The following PDPN variants were observed in gnomAD, a reference collection of about 807,000 sequenced individuals.
PDPN encodes PA2.26 antigen.
PDPN carries 12 observed loss-of-function variants against 23.2 expected under a neutral mutation model. The observed-to-expected ratio is 0.52, with a 90% confidence interval of 0.33 to 0.84. The LOEUF is 0.84. Ranked by LOEUF, PDPN falls within the 40% of genes least tolerant of loss-of-function variation. The pLI is 0.02. For synonymous variants in PDPN, 77 were observed against 76.7 expected (o/e 1.00, Z -0.02); for missense variants, 199 against 212.2 (o/e 0.94, Z 0.39).
intron 2 of PDPN, among the ~76,000 whole-genome samples, chr1:13,610,121 A>G (rs900745832): frequency 1.3e-5 from 2 of 152,218 alleles, no homozygotes; most frequent in Non-Finnish European, 2.9e-5. Context: ...TGTTGCATGT[A>G]TAGACCATAC....
At chr1:13,612,666 C>A (rs1238870014) in intron 3 of PDPN, among the ~76,000 whole-genome samples, 1 of 152,130 alleles carries the variant, frequency 6.6e-6, no homozygotes, top group Non-Finnish European at 1.5e-5. Flanking sequence ...GTGCTGGTTT[C>A]TGGGACCTCT....
chr1:13,585,527 C>G, intron 1 of PDPN: 1 of 1,351,230 alleles, frequency 7.4e-7, no homozygotes. Flanking sequence ...AGGGAGCGCC[C>G]TCACTTCAGC....
At chr1:13,602,322 C>T (rs1011680437) in intron 1 of PDPN, among the ~76,000 whole-genome samples, 3 of 150,490 alleles carry the variant, frequency 2.0e-5, no homozygotes, top group East Asian at 2.0e-4. Flanking sequence ...AGCAAGACTC[C>T]GTCTCAAAAA....
At chr1:13,599,724 T>A (rs1470862408) in intron 1 of PDPN, among the ~76,000 whole-genome samples, 5 of 152,148 alleles carry the variant, frequency 3.3e-5, no homozygotes, top group Non-Finnish European at 7.4e-5. Flanking sequence ...AGTACTCTAG[T>A]CCTTAAGAGT....
intron 1 of PDPN, among the ~76,000 whole-genome samples, chr1:13,595,481 A>C (rs973845571): frequency 6.6e-6 from 1 of 152,102 alleles, no homozygotes; most frequent in Admixed American, 6.5e-5. Flanking sequence ...ACTCTGGGGC[A>C]GGGGGTACTG....
chr1:13,599,001 G>GCC lies in PDPN; in HGVS notation c.68-8166_68-8165dup, dbSNP rs1172789223. Among the ~76,000 whole-genome samples the GCC allele has an allele frequency of 4.2e-3, 564 of 134,320 alleles. 4 individuals are homozygous for GCC. Among genetic ancestry groups the GCC allele is most frequent in the African/African-American group, 0.014 (537 of 37,714 alleles). The allele number at this position is 134,320 out of a possible 152,430, so 88.1% of individuals were successfully genotyped here. On this transcript the variant is annotated intron_variant, in intron 1 of 5. Transcript: ENST00000621990. ...GCTTAAATGGACAGTCCAAGAAAGT[G>GCC]CCCCCCCTCCTTTTTTTTTTTTTTT...
rs1641091933 is a variant in PDPN at position 13,617,144 on chromosome 1, C to T, written c.*1233C>T. ...CCATCCAGCCTGGCACTTCTCTTCC[C>T]ATATATCCATTGGATTTTTTTTTTT... is the stretch of plus-strand genomic sequence containing the variant. On this transcript the variant is annotated 3_prime_UTR_variant, in exon 6 of 6. Coordinates refer to ENST00000621990, the MANE Select transcript of PDPN (RefSeq NM_006474.5). 7.0e-6 allele frequency: 1 copy of T among 142,658 alleles called. No homozygotes were observed. Among genetic ancestry groups the T allele is most frequent in the Non-Finnish European group, 1.5e-5 (1 of 66,288 alleles). 8.8% of individuals were successfully genotyped at this position (142,658 alleles called of 1,614,324 possible).
intron 2 of PDPN, among the ~76,000 whole-genome samples, chr1:13,610,044 A>T (rs1054705089): frequency 1.3e-5 from 2 of 152,230 alleles, no homozygotes; most frequent in Non-Finnish European, 1.5e-5. Context: ...AGCCTGGGCA[A>T]CAAGAGCGAA....
intron 1 of PDPN, among the ~76,000 whole-genome samples, chr1:13,593,667 G>C (rs1285779902): frequency 6.6e-6 from 1 of 152,128 alleles, no homozygotes; most frequent in African/African-American, 2.4e-5. Context: ...ATGCAAAGGG[G>C]CTTCTTTTCT....
rs1640102724 is a variant in PDPN at position 13,583,845 on chromosome 1, G to T, written c.-189G>T. On this transcript the variant is annotated 5_prime_UTR_variant, in exon 1 of 6. Transcript: ENST00000621990. Reference sequence around the variant, plus strand: ...CGGAAAGTTCTCAACTGCAAAGTTTGCTGTCCGGCTGCCTAGGGTCTGGGA... The same window carrying T: ...CGGAAAGTTCTCAACTGCAAAGTTTTCTGTCCGGCTGCCTAGGGTCTGGGA... The T allele has an allele frequency of 6.3e-7, 1 of 1,579,482 alleles. No individual in the cohort carries two copies. The highest frequency in any genetic ancestry group is 2.2e-5 in the East Asian group (1 of 44,656).
intron 1 of PDPN, among the ~76,000 whole-genome samples, chr1:13,602,986 C>T (rs558921394): frequency 6.6e-5 from 10 of 151,464 alleles, no homozygotes; most frequent in African/African-American, 1.2e-4. Context: ...TAAGAGCAGC[C>T]TGGGCAATGT....
In PDPN at chr1:13,607,270, C is replaced by G. The variant is rs368573812; in HGVS notation, c.165C>G (p.Thr55=). Residue 55 remains threonine, a synonymous_variant, in exon 2 of 6, where the codon ACC becomes ACG. Transcript: ENST00000621990. ...AAGATGATGTGGTGACTCCAGGAAC[C>G]AGCGAAGACCGCTATAAGTCTGGCT... ...GAEDDVVTPG[T]SEDRYKSGLT... 1 of 1,614,152 alleles carries G rather than the reference C, an allele frequency of 6.2e-7. No homozygotes were observed. The highest frequency in any genetic ancestry group is 1.3e-5 in the African/African-American group (1 of 75,058).
chr1:13,616,948 T>C lies in PDPN; in HGVS notation c.*1037T>C, dbSNP rs1426446258. 6.6e-6 allele frequency: 1 copy of C among 152,182 alleles called. No homozygotes were observed. The highest frequency in any genetic ancestry group is 1.5e-5 in the Non-Finnish European group (1 of 68,044). 9.4% of individuals were successfully genotyped at this position (152,182 alleles called of 1,614,324 possible). On this transcript the variant is annotated 3_prime_UTR_variant, in exon 6 of 6. Transcript: ENST00000621990. ...TTCACTTTCTGCCTCTGAGGAAAGA[T>C]ACAGGGAACAAAAATCAATTTGTAC...
intron 1 of PDPN, chr1:13,595,779 T>C (rs1570024785): frequency 1.1e-6 from 1 of 930,860 alleles, no homozygotes; most frequent in Non-Finnish European, 1.5e-6. Context: ...CAAGTTCCCC[T>C]TTGCAGGTGC....
chr1:13,604,094 G>A (rs928133244), intron 1 of PDPN, among the ~76,000 whole-genome samples: 3 of 152,122 alleles, frequency 2.0e-5, no homozygotes, highest in African/African-American at 4.8e-5. Context: ...TGGCAAATTC[G>A]TCACTCTACA....
chr1:13,603,914 A>G (rs1052676484), intron 1 of PDPN, among the ~76,000 whole-genome samples: 6 of 152,260 alleles, frequency 3.9e-5, no homozygotes, highest in Non-Finnish European at 8.8e-5. Context: ...AATAATCACA[A>G]CAACAACAAA....
At chr1:13,587,474 GGGAGGA>G (rs531647187) in intron 1 of PDPN, among the ~76,000 whole-genome samples, 2 of 152,044 alleles carry the variant, frequency 1.3e-5, no homozygotes, top group Non-Finnish European at 1.5e-5. Flanking sequence ...AATACGACGG[GGGAGGA>G]GGAGGAGGAG....
intron 1 of PDPN, among the ~76,000 whole-genome samples, chr1:13,595,621 C>A (rs780219106): frequency 5.9e-5 from 9 of 152,200 alleles, no homozygotes; most frequent in Admixed American, 1.3e-4. Flanking sequence ...GTTTCTCTTA[C>A]ATTTTACAGA....
intron 1 of PDPN, among the ~76,000 whole-genome samples, chr1:13,602,528 A>G (rs2100251335): frequency 6.6e-6 from 1 of 152,310 alleles, no homozygotes; most frequent in South Asian, 2.1e-4. Flanking sequence ...GATTTTTATT[A>G]AGAATTTGGA....
Sources: allele counts gnomAD v4.1 joint callset (sites outside exome capture counted in the v4.1 genomes callset), GRCh38; gene constraint gnomAD v4.1.1; transcripts MANE v1.5; gene names NCBI Gene and HGNC (gene_info 2026-07-23, HGNC 2026-07-21).